DENND5A: variants seen among roughly 807,000 people sequenced by gnomAD.
The protein encoded by DENND5A is DENN domain-containing protein 5A.
In DENND5A, 64 loss-of-function variants were observed where a neutral mutation model predicts 140.3. That is an observed-to-expected ratio of 0.46 (90% CI 0.37 to 0.56). The LOEUF is 0.56. Among genes scored for constraint, DENND5A ranks in the 20% least tolerant of loss-of-function variants. The pLI, the probability that DENND5A is intolerant of heterozygous loss-of-function variation, is 0.00. For missense variants in DENND5A, 1,292 were observed against 1,593.8 expected (o/e 0.81, Z 3.22); for synonymous variants, 605 against 607.7 (o/e 1.00, Z 0.07).
intron 1 of DENND5A, among the ~76,000 whole-genome samples, chr11:9,217,088 G>A (rs1201193544): frequency 6.6e-6 from 1 of 152,082 alleles, no homozygotes; most frequent in Admixed American, 6.6e-5. Context: ...ACAGATGAAT[G>A]AAATGTATAA....
intron 10 of DENND5A, among the ~76,000 whole-genome samples, chr11:9,168,201 CAT>C (rs1393222042): frequency 2.6e-5 from 4 of 151,470 alleles, no homozygotes; most frequent in African/African-American, 9.7e-5. Flanking sequence ...ACAATTCCCA[CAT>C]GTTGTGGGAG....
At chr11:9,152,245 A>G (rs539658566) in intron 13 of DENND5A, 113 bp downstream of exon 13, 2 of 827,514 alleles carry the variant, frequency 2.4e-6, no homozygotes, top group Non-Finnish European at 2.1e-6. Flanking sequence ...AAGAGAAAAC[A>G]TTCCAGAGCA....
intron 16 of DENND5A, 96 bp downstream of exon 16, chr11:9,146,934 A>G: frequency 7.1e-7 from 1 of 1,401,350 alleles, no homozygotes; most frequent in Non-Finnish European, 1.0e-6. Context: ...TACAAGGGAT[A>G]ATCTTCTTTC....
intron 4 of DENND5A, among the ~76,000 whole-genome samples, chr11:9,202,373 T>C (rs1590269380): frequency 6.6e-6 from 1 of 152,198 alleles, no homozygotes; most frequent in African/African-American, 2.4e-5. Context: ...GAGAATGTTT[T>C]TATTCTTAGG....
At chr11:9,164,056 G>GTT (rs768604681) in intron 11 of DENND5A, among the ~76,000 whole-genome samples, 3,322 of 57,896 alleles carry the variant, frequency 0.057, 857 homozygotes, top group Middle Eastern at 0.079. Flanking sequence ...TATTAATCAG[G>GTT]TTTTTTTTTT....
chr11:9,173,002 G>A (rs1451388427), intron 8 of DENND5A, among the ~76,000 whole-genome samples: 1 of 146,756 alleles, frequency 6.8e-6, no homozygotes, highest in South Asian at 2.2e-4. Flanking sequence ...TTTTTTATAT[G>A]TTTAGTAGCA....
rs77946172 is a variant in DENND5A at position 9,195,934 on chromosome 11, G to A, written c.950-2253C>T. 1.0e-3 allele frequency among the ~76,000 whole-genome samples: 152 copies of A among 152,162 alleles called. 1 individual carries two copies. In the East Asian group the frequency reaches 0.016, roughly 16 times the overall value. On this transcript the variant is annotated intron_variant, in intron 4 of 22. Coordinates refer to ENST00000328194, the MANE Select transcript of DENND5A (RefSeq NM_015213.4). ...GATGTCTTTTAAATAGGGTGTAATG[G>A]CTCAAACCTGTAATCCCAGCACTTT...
chr11:9,173,963 C>T (rs1005519166), intron 8 of DENND5A, among the ~76,000 whole-genome samples: 5 of 151,496 alleles, frequency 3.3e-5, no homozygotes, highest in Non-Finnish European at 5.9e-5. Flanking sequence ...AGCTGGGCTG[C>T]GCAGTGGCGA....
In DENND5A at chr11:9,203,848, G is replaced by A. The variant is rs963753249; in HGVS notation, c.761C>T (p.Pro254Leu). ...AAACTTCAAGGACCGGCCAGGAGGT[G>A]GGAGCGGCACCTCGTAGAGTACGTT... ...IYNVLYEVPL[P>L]PPGRSLKFSG... Residue 254 changes from proline to leucine, a missense_variant, in exon 4 of 23, where the codon CCA (proline) becomes CTA (leucine). Physicochemically the swap from Pro to Leu is moderately conservative, Grantham distance 98. Around this residue, in one of 4 missense-constraint regions of DENND5A, gnomAD observed 566 missense variants for 650.4 expected, o/e 0.87. Coordinates refer to ENST00000328194, the MANE Select transcript of DENND5A (RefSeq NM_015213.4). 2 of 1,614,182 alleles carry A rather than the reference G, an allele frequency of 1.2e-6. No individual in the cohort carries two copies. Among genetic ancestry groups the A allele is most frequent in the Non-Finnish European group, 1.7e-6 (2 of 1,180,024 alleles).
chr11:9,237,003 A>G (rs1851030884), intron 1 of DENND5A, among the ~76,000 whole-genome samples: 1 of 152,240 alleles, frequency 6.6e-6, no homozygotes, highest in Non-Finnish European at 1.5e-5. Context: ...ATCAGAAAAA[A>G]AGATAAACAC....
intron 2 of DENND5A, 52 bp downstream of exon 2, chr11:9,207,509 T>C (rs1849731408): frequency 6.6e-6 from 9 of 1,363,114 alleles, no homozygotes; most frequent in Admixed American, 1.7e-5. Context: ...GAGAGATATA[T>C]GTAAGAACCA....
chr11:9,232,027 A>C (rs1012522690), intron 1 of DENND5A, among the ~76,000 whole-genome samples: 29 of 151,354 alleles, frequency 1.9e-4, no homozygotes, highest in Non-Finnish European at 7.4e-5. Context: ...AACGGCCAAG[A>C]AAAAAAAATG....
At chr11:9,139,880 A>C in intron 22 of DENND5A, 26 bp from the exon 23 acceptor site, 1 of 1,608,484 alleles carries the variant, frequency 6.2e-7, no homozygotes, top group Non-Finnish European at 8.5e-7. Context: ...CAGTCCAGGC[A>C]GGTCAGAGGG....
chr11:9,185,082 T>C (rs1195508677), intron 5 of DENND5A, among the ~76,000 whole-genome samples: 3 of 152,086 alleles, frequency 2.0e-5, no homozygotes, highest in Non-Finnish European at 4.4e-5. Flanking sequence ...TCCCAGCTAC[T>C]TGGGAGGCTG....
At chr11:9,228,382 C>T (rs1030865885) in intron 1 of DENND5A, among the ~76,000 whole-genome samples, 10 of 152,072 alleles carry the variant, frequency 6.6e-5, no homozygotes, top group Non-Finnish European at 1.0e-4. Context: ...AGGAGAGAGA[C>T]GCTGAAGTGA....
At chr11:9,224,179 C>T (rs1850439022) in intron 1 of DENND5A, among the ~76,000 whole-genome samples, 1 of 152,134 alleles carries the variant, frequency 6.6e-6, no homozygotes, top group South Asian at 2.1e-4. Flanking sequence ...GGCGACAGAG[C>T]AAGACTCCAT....
intron 1 of DENND5A, among the ~76,000 whole-genome samples, chr11:9,232,923 A>G (rs1449281838): frequency 1.3e-5 from 2 of 152,212 alleles, no homozygotes; most frequent in African/African-American, 4.8e-5. Context: ...ACACAATATG[A>G]ATGAACCTCT....
At chr11:9,250,891 T>A (rs755398636) in intron 1 of DENND5A, among the ~76,000 whole-genome samples, 3 of 152,110 alleles carry the variant, frequency 2.0e-5, no homozygotes, top group Non-Finnish European at 4.4e-5. Flanking sequence ...CCCAGCACTT[T>A]GGCAGGCTGA....
chr11:9,146,927 A>G, intron 16 of DENND5A, 103 bp downstream of exon 16: 2 of 1,361,320 alleles, frequency 1.5e-6, no homozygotes, highest in Non-Finnish European at 2.1e-6. Flanking sequence ...TAGAAAGTAC[A>G]AGGGATAATC....
Sources: gnomAD v4.1 joint callset for allele counts (sites outside exome capture counted in the v4.1 genomes callset) on GRCh38, gnomAD v4.1.1 for gene constraint, gnomAD v4.1.1 regional missense constraint, MANE v1.5 for transcripts, NCBI Gene and HGNC (gene_info 2026-07-23, HGNC 2026-07-21) for gene names.